Variants in EFHD1 observed in about 807,000 individuals in gnomAD.
EFHD1 encodes the protein EF-hand domain family member D1, also known as EF-hand domain-containing protein D1.
EFHD1 carries 10 observed loss-of-function variants against 17.2 expected under a neutral mutation model. That is an observed-to-expected ratio of 0.58 (90% confidence interval 0.36 to 0.99). The LOEUF is 0.99. Ranked by LOEUF, EFHD1 falls within the 50% of genes least tolerant of loss-of-function variation. The pLI is 0.01. For synonymous variants in EFHD1, 153 were observed against 142.0 expected (o/e 1.08, Z -0.55); for missense variants, 310 against 327.5 (o/e 0.95, Z 0.41).
intron 1 of EFHD1, among the ~76,000 whole-genome samples, chr2:232,610,293 C>T (rs1158721869): frequency 2.6e-5 from 4 of 152,240 alleles, no homozygotes; most frequent in Non-Finnish European, 5.9e-5. Flanking sequence ...CCCTCCCATC[C>T]CTGAGGCTGG....
intron 3 of EFHD1, among the ~76,000 whole-genome samples, chr2:232,680,476 T>C (rs1423518697): frequency 6.6e-6 from 1 of 152,104 alleles, no homozygotes; most frequent in Non-Finnish European, 1.5e-5. Context: ...GAAGTAAATA[T>C]AGAACAATTG....
chr2:232,634,358 C>T (rs1332371974), intron 1 of EFHD1, among the ~76,000 whole-genome samples: 1 of 152,244 alleles, frequency 6.6e-6, no homozygotes, highest in Admixed American at 6.5e-5. Flanking sequence ...GAGCCGTCGC[C>T]GCGCCTCACC....
chr2:232,677,700 G>A (rs937021301), intron 3 of EFHD1, among the ~76,000 whole-genome samples: 2 of 152,116 alleles, frequency 1.3e-5, no homozygotes, highest in Non-Finnish European at 2.9e-5. Context: ...TCCAGTCTGG[G>A]TGACAGAGTA....
chr2:232,606,091 T>G, exon 1 of EFHD1: 1 of 1,528,770 alleles, frequency 6.5e-7, no homozygotes, highest in Non-Finnish European at 8.9e-7. Context: ...CCTTGGCGGC[T>G]GCTTGCCTTT....
At chr2:232,632,253 T>A (rs1405359627), upstream of EFHD1, among the ~76,000 whole-genome samples, 1 of 152,210 alleles carries the variant, frequency 6.6e-6, no homozygotes, top group Non-Finnish European at 1.5e-5. Context: ...TGTTAAAGAT[T>A]TTTATACTTT....
chr2:232,608,435 T>C (rs1416066852), intron 1 of EFHD1, among the ~76,000 whole-genome samples: 2 of 152,256 alleles, frequency 1.3e-5, no homozygotes, highest in Non-Finnish European at 2.9e-5. Context: ...TTTAGATTAC[T>C]TATAATACCT....
intron 3 of EFHD1, among the ~76,000 whole-genome samples, chr2:232,675,552 G>C (rs188161916): frequency 6.6e-6 from 1 of 152,184 alleles, no homozygotes; most frequent in Non-Finnish European, 1.5e-5. Flanking sequence ...TGGGTTTCAG[G>C]AAACGTGTAG....
chr2:232,664,598 C>T (rs546708735), intron 2 of EFHD1, among the ~76,000 whole-genome samples: 1 of 147,648 alleles, frequency 6.8e-6, no homozygotes, highest in African/African-American at 2.5e-5. Context: ...GTGGCCATCC[C>T]CAAAATAGTT....
At chr2:232,623,489 C>A (rs1250289890) in intron 1 of EFHD1, among the ~76,000 whole-genome samples, 1 of 150,786 alleles carries the variant, frequency 6.6e-6, no homozygotes, top group Non-Finnish European at 1.5e-5. Flanking sequence ...GCCTGGCCAA[C>A]ACAGTGAAAC....
intron 1 of EFHD1, among the ~76,000 whole-genome samples, chr2:232,621,446 G>A (rs889011418): frequency 2.0e-4 from 17 of 85,160 alleles, no homozygotes; most frequent in African/African-American, 6.6e-4. Context: ...GTATTCTTTC[G>A]TTTTTTCTTT....
intron 2 of EFHD1, among the ~76,000 whole-genome samples, chr2:232,670,330 A>G (rs1411975972): frequency 6.6e-6 from 1 of 152,074 alleles, no homozygotes; most frequent in African/African-American, 2.4e-5. Flanking sequence ...AATCCAAGCT[A>G]CTTGGGAGGC....
At chr2:232,671,250 C>T (rs373328483) in intron 2 of EFHD1, among the ~76,000 whole-genome samples, 1 of 150,490 alleles carries the variant, frequency 6.6e-6, no homozygotes, top group Non-Finnish European at 1.5e-5. Context: ...GCCTGGGCAA[C>T]GTAGAAGACC....
chr2:232,668,849 G>T (rs1179241771), intron 2 of EFHD1, among the ~76,000 whole-genome samples: 2 of 151,990 alleles, frequency 1.3e-5, no homozygotes, highest in Non-Finnish European at 2.9e-5. Flanking sequence ...GGTCATGCTG[G>T]TCTCGAACTC....
chr2:232,623,439 C>T (rs962644855), intron 1 of EFHD1, among the ~76,000 whole-genome samples: 5 of 151,784 alleles, frequency 3.3e-5, no homozygotes, highest in East Asian at 3.9e-4. Context: ...TTTGGGAGGC[C>T]GAGGCGGGTG....
intron 2 of EFHD1, among the ~76,000 whole-genome samples, chr2:232,671,873 A>C (rs1282724230): frequency 6.6e-6 from 1 of 152,132 alleles, no homozygotes; most frequent in Non-Finnish European, 1.5e-5. Context: ...CCTGGCCAAC[A>C]TGGCAAAACC....
intron 1 of EFHD1, among the ~76,000 whole-genome samples, chr2:232,641,365 G>A (rs139910312): frequency 3.9e-4 from 60 of 152,268 alleles, no homozygotes; most frequent in African/African-American, 1.4e-3. Context: ...GGAACGAAAG[G>A]TCTTGCAAGG....
chr2:232,664,606 G>GTTTTTTT (rs57219644), intron 2 of EFHD1, among the ~76,000 whole-genome samples: 16 of 62,674 alleles, frequency 2.6e-4, no homozygotes, highest in Non-Finnish European at 3.4e-4. Flanking sequence ...CCCCAAAATA[G>GTTTTTTT]TTTTTTTTTT....
chr2:232,617,060 C>T (rs1693938438), intron 1 of EFHD1, among the ~76,000 whole-genome samples: 1 of 152,208 alleles, frequency 6.6e-6, no homozygotes, highest in Admixed American at 6.5e-5. Flanking sequence ...ACGTGTGGGA[C>T]CTGAGCTGGG....
chr2:232,665,280 T>A (rs1694948760), intron 2 of EFHD1, among the ~76,000 whole-genome samples: 1 of 152,120 alleles, frequency 6.6e-6, no homozygotes, highest in African/African-American at 2.4e-5. Flanking sequence ...CCATTTCTAT[T>A]TTAGGGGCAA....
Sources: gnomAD v4.1 joint callset for allele counts (sites outside exome capture counted in the v4.1 genomes callset) on GRCh38, gnomAD v4.1.1 for gene constraint, MANE v1.5 for transcripts, NCBI Gene and HGNC (gene_info 2026-07-23, HGNC 2026-07-21) for gene names.